The following MPRIP variants were observed in gnomAD, a reference collection of about 807,000 sequenced individuals.
MPRIP encodes myosin phosphatase Rho interacting protein, also known as myosin phosphatase Rho-interacting protein.
Under a neutral mutation model 234.9 loss-of-function variants are expected in MPRIP, and 59 were observed. That is an observed-to-expected ratio of 0.25 (90% confidence interval 0.20 to 0.31). The LOEUF (loss-of-function observed/expected upper bound fraction) is 0.31, where lower values mean the gene tolerates loss of function less well. MPRIP is among the 10% of genes least tolerant of loss of function. The pLI, the probability that MPRIP is intolerant of heterozygous loss-of-function variation, is 1.00. For synonymous variants in MPRIP, 1,144 were observed against 1,263.9 expected, an observed-to-expected ratio of 0.91 and a Z score of 2.01; for missense variants, 2,436 against 3,071.0, an observed-to-expected ratio of 0.79 and a Z score of 4.89.
chr17:17,174,190 A>T (rs1210059141), intron 19 of MPRIP, 115 bp downstream of exon 19: 1 of 1,299,338 alleles, frequency 7.7e-7, no homozygotes, highest in African/African-American at 1.5e-5. Context: ...TCAAAGTGGC[A>T]TGAAGGTCCC....
chr17:17,144,726 C>T (rs182523833), intron 9 of MPRIP, among the ~76,000 whole-genome samples: 10 of 152,308 alleles, frequency 6.6e-5, no homozygotes, highest in Admixed American at 1.3e-4. Context: ...TGTGGTGTCG[C>T]GCTCCTGTAG....
In MPRIP at chr17:17,158,683, C is replaced by T. The variant is rs1488612002; in HGVS notation, c.2081C>T (p.Ala694Val). ...ACCCACGAGCCCCTGCGCCCTGAGG[C>T]GGAGCCTGGGGAGCTGGAGCGGGAG... is the stretch of plus-strand genomic sequence containing the variant. ...ADTHEPLRPEAEPGELERERA... is the reference protein window; with the variant it reads ...ADTHEPLRPEVEPGELERERA... The change falls in exon 14 of 24, where the codon GCG (alanine) becomes GTG (valine). Residue 694 changes from alanine (A) to valine (V), a missense_variant. Ala to Val is a moderately conservative substitution (Grantham distance 64). This residue lies in a region of MPRIP where 1,998 missense variants were observed against 2,520.3 expected (regional missense o/e 0.79). Transcript: ENST00000651222. The T allele has an allele frequency of 5.0e-6, 8 of 1,607,876 alleles. No individual in the cohort carries two copies. Among genetic ancestry groups the T allele is most frequent in the East Asian group, 2.2e-5 (1 of 44,770 alleles).
intron 23 of MPRIP, among the ~76,000 whole-genome samples, chr17:17,181,084 G>A (rs929763360): frequency 9.2e-5 from 14 of 152,338 alleles, no homozygotes; most frequent in Non-Finnish European, 1.5e-4. Context: ...TGTCTGTCAA[G>A]GCTAACAGGG....
intron 5 of MPRIP, among the ~76,000 whole-genome samples, chr17:17,132,817 G>A (rs547158643): frequency 7.2e-5 from 11 of 152,348 alleles, no homozygotes; most frequent in African/African-American, 2.6e-4. Context: ...AGAAGTCAGC[G>A]AAAAATACAG....
chr17:17,116,389 T>C (rs866609405), intron 3 of MPRIP, among the ~76,000 whole-genome samples: 5 of 152,134 alleles, frequency 3.3e-5, no homozygotes, highest in Non-Finnish European at 7.4e-5. Flanking sequence ...GGCCAGCAAG[T>C]AGGTCCAGGA....
intron 15 of MPRIP, among the ~76,000 whole-genome samples, chr17:17,163,609 G>T (rs546420914): frequency 6.6e-6 from 1 of 152,084 alleles, no homozygotes; most frequent in Non-Finnish European, 1.5e-5. Flanking sequence ...GACATCTCCC[G>T]AGTGTTACCT....
intron 9 of MPRIP, among the ~76,000 whole-genome samples, chr17:17,144,348 G>A (rs2045409912): frequency 6.6e-6 from 1 of 152,228 alleles, no homozygotes; most frequent in African/African-American, 2.4e-5. Context: ...GGAGTGTGAG[G>A]AGGAGTAAGG....
intron 1 of MPRIP, among the ~76,000 whole-genome samples, chr17:17,071,979 A>G (rs555428010): frequency 6.6e-6 from 1 of 152,308 alleles, no homozygotes; most frequent in African/African-American, 2.4e-5. Flanking sequence ...CAGCATTTCC[A>G]GAGCACACTC....
intron 3 of MPRIP, among the ~76,000 whole-genome samples, chr17:17,079,160 C>T (rs2089405030): frequency 1.3e-5 from 2 of 152,098 alleles, no homozygotes; most frequent in African/African-American, 4.8e-5. Context: ...GAGTCCTAAC[C>T]TTTGTGATGT....
intron 4 of MPRIP, among the ~76,000 whole-genome samples, chr17:17,129,175 T>C (rs1168691371): frequency 6.6e-6 from 1 of 152,148 alleles, no homozygotes; most frequent in African/African-American, 2.4e-5. Context: ...ACACTTTACA[T>C]AGCTCTTTTA....
intron 12 of MPRIP, among the ~76,000 whole-genome samples, chr17:17,151,044 C>T (rs373224706): frequency 7.6e-5 from 8 of 105,954 alleles, no homozygotes; most frequent in Non-Finnish European, 1.3e-4. Flanking sequence ...TTATTATTAT[C>T]ATTATTTAGA....
intron 22 of MPRIP, chr17:17,179,486 C>T (rs966570436): frequency 2.6e-5 from 4 of 151,534 alleles, no homozygotes; most frequent in African/African-American, 9.7e-5. Flanking sequence ...AAACCCCACA[C>T]ATGCACAGGA....
intron 7 of MPRIP, 113 bp from the exon 8 acceptor site, chr17:17,142,514 G>C: frequency 1.5e-6 from 2 of 1,300,882 alleles, no homozygotes; most frequent in Non-Finnish European, 2.2e-6. Context: ...TCGGTGCTGT[G>C]CAAGCCTGAG....
At chr17:17,095,034 A>G (rs2089808333) in intron 3 of MPRIP, among the ~76,000 whole-genome samples, 1 of 152,110 alleles carries the variant, frequency 6.6e-6, no homozygotes, top group Non-Finnish European at 1.5e-5. Flanking sequence ...GTTTTGCCTG[A>G]GATCACATTA....
At chr17:17,130,870 G>A (rs1419247657) in intron 4 of MPRIP, among the ~76,000 whole-genome samples, 1 of 152,216 alleles carries the variant, frequency 6.6e-6, no homozygotes, top group Non-Finnish European at 1.5e-5. Context: ...TATGGTGGAA[G>A]TAGTTGTGCC....
At chr17:17,176,141 G>T (rs899056756) in intron 20 of MPRIP, among the ~76,000 whole-genome samples, 1 of 152,206 alleles carries the variant, frequency 6.6e-6, no homozygotes, top group Admixed American at 6.5e-5. Context: ...TGATTCTCGC[G>T]GGCTTGGTCC....
Position 17,171,818 on chromosome 17 carries a change from A to G in MPRIP, c.6425A>G (p.Glu2142Gly). 6.2e-7 allele frequency: 1 copy of G among 1,613,652 alleles called. No homozygotes were observed. The highest frequency in any genetic ancestry group is 8.5e-7 in the Non-Finnish European group (1 of 1,180,012). ...CAGCGGGAGCTAGAGAAACTTCGAG[A>G]AGAGAAAGACCGCCTCCTAGCCGAG... ...QHQRELEKLR[E>G]EKDRLLAEET... is the part of the protein sequence containing the mutation. Residue 2142 changes from glutamate (E) to glycine (G), a missense_variant, in exon 17 of 24, where the codon GAA becomes GGA. Transcript: ENST00000651222.
intron 23 of MPRIP, chr17:17,183,345 A>G (rs1455233475): frequency 1.3e-5 from 2 of 152,260 alleles, no homozygotes; most frequent in Non-Finnish European, 2.9e-5. Context: ...CCTCCCATGT[A>G]GCTGGGACTA....
chr17:17,161,775 C>T (rs1410922884), intron 15 of MPRIP, among the ~76,000 whole-genome samples: 1 of 152,184 alleles, frequency 6.6e-6, no homozygotes, highest in East Asian at 1.9e-4. Flanking sequence ...CCAGTGCCTG[C>T]TTACAACCAA....
Sources: allele counts gnomAD v4.1 joint callset (sites outside exome capture counted in the v4.1 genomes callset), GRCh38; gene constraint gnomAD v4.1.1; regional missense constraint gnomAD v4.1.1; transcripts MANE v1.5; gene names NCBI Gene and HGNC (gene_info 2026-07-23, HGNC 2026-07-21).